The following RSU1 variants were observed in gnomAD, a reference collection of about 807,000 sequenced individuals.
The protein encoded by RSU1 is Ras suppressor protein 1, also known as rsu-1.
A neutral mutation model predicts 31.1 loss-of-function variants in RSU1; 26 were observed. The ratio of observed to expected loss-of-function variants is 0.84; its 90% CI spans 0.61 to 1.16. The LOEUF (loss-of-function observed/expected upper bound fraction) is 1.16, where lower values mean the gene tolerates loss of function less well. Ranked by LOEUF, RSU1 falls within the 50% of genes most tolerant of loss-of-function variation. RSU1 has a pLI of 0.00. For synonymous variants in RSU1, 164 were observed against 136.3 expected (o/e 1.20, Z -1.41); for missense variants, 320 against 339.1 (o/e 0.94, Z 0.44).
intron 3 of RSU1, among the ~76,000 whole-genome samples, chr10:16,780,028 A>C (rs999480252): frequency 6.6e-6 from 1 of 152,208 alleles, no homozygotes; most frequent in Non-Finnish European, 1.5e-5. Context: ...GCAGAAATAT[A>C]AAGTTTGGAT....
At chr10:16,605,579 G>GAGT in intron 8 of RSU1, among the ~76,000 whole-genome samples, 1 of 152,216 alleles carries the variant, frequency 6.6e-6, no homozygotes. Context: ...CAAAAATATG[G>GAGT]AGTGACTGAA....
intron 8 of RSU1, among the ~76,000 whole-genome samples, chr10:16,626,470 C>T (rs1046579069): frequency 2.9e-4 from 44 of 152,238 alleles, no homozygotes; most frequent in Middle Eastern, 3.4e-3. Flanking sequence ...CTGATCAATC[C>T]TTTTCCTTTT....
In RSU1 at chr10:16,776,138, A is replaced by C. The variant is rs374125844; in HGVS notation, c.160+5896T>G. On this transcript the variant is annotated intron_variant, in intron 3 of 8. Coordinates refer to ENST00000345264, the MANE Select transcript of RSU1 (RefSeq NM_012425.4). ...GAAGGTCGTCCTCAGGAATTCAGAC[A>C]GTTAATTCTTCTCAATCATCCCAGC... Among the ~76,000 whole-genome samples the C allele has an allele frequency of 3.9e-5, 6 of 152,372 alleles. No homozygotes were observed. The East Asian group carries it at 9.6e-4, about 24-fold the overall frequency.
At chr10:16,748,715 A>C (rs1192689049) in intron 7 of RSU1, among the ~76,000 whole-genome samples, 1 of 151,914 alleles carries the variant, frequency 6.6e-6, no homozygotes, top group African/African-American at 2.4e-5. Flanking sequence ...CTCTTCCTCA[A>C]CACAAGCCCA....
intron 8 of RSU1, among the ~76,000 whole-genome samples, chr10:16,634,023 C>A (rs562474793): frequency 3.3e-5 from 5 of 152,226 alleles, no homozygotes; most frequent in African/African-American, 1.2e-4. Flanking sequence ...TTCAATCTGT[C>A]TTTTCCAGCA....
In RSU1 at chr10:16,717,634, C is replaced by T. The variant is rs191605255; in HGVS notation, c.599-22479G>A. Reference sequence around the variant, plus strand: ...TCTGAGAAAAGCAAAAACAACATACCAAAGCTAATATAAATAAAGGATGCC... The same window carrying T: ...TCTGAGAAAAGCAAAAACAACATACTAAAGCTAATATAAATAAAGGATGCC... On this transcript the variant is annotated intron_variant, in intron 7 of 8. Coordinates refer to ENST00000345264, the MANE Select transcript of RSU1 (RefSeq NM_012425.4). Among the ~76,000 whole-genome samples the T allele has an allele frequency of 2.6e-5, 4 of 152,110 alleles. No homozygotes were observed. In the East Asian group the frequency reaches 7.7e-4, roughly 29 times the overall value.
At chr10:16,676,538 G>A (rs1018388116) in intron 8 of RSU1, among the ~76,000 whole-genome samples, 5 of 152,190 alleles carry the variant, frequency 3.3e-5, no homozygotes, top group African/African-American at 1.2e-4. Context: ...TGGGGACACA[G>A]CCAAACCATA....
At chr10:16,728,516 C>A (rs1208911935) in intron 7 of RSU1, among the ~76,000 whole-genome samples, 1 of 152,164 alleles carries the variant, frequency 6.6e-6, no homozygotes, top group Non-Finnish European at 1.5e-5. Flanking sequence ...GGGAAAGAAA[C>A]CACTTTCACA....
chr10:16,768,048 A>T (rs994606780), intron 3 of RSU1, among the ~76,000 whole-genome samples: 3 of 152,240 alleles, frequency 2.0e-5, no homozygotes, highest in African/African-American at 7.2e-5. Flanking sequence ...GAAGCATTTT[A>T]AAAGCTAACA....
Position 16,617,049 on chromosome 10 carries a change from CTG to C in RSU1, c.732-23555_732-23554del, listed in dbSNP as rs1360654955. On this transcript the variant is annotated intron_variant, in intron 8 of 8. Transcript: ENST00000345264. ...AGGAAGAGAGGAAGTCAAATTGTCT[CTG>C]TTTGCAGATGACGTGATTGCATATT... Among the ~76,000 whole-genome samples the C allele has an allele frequency of 3.9e-5, 6 of 152,324 alleles. No individual in the cohort carries two copies. In the East Asian group the frequency reaches 1.2e-3, roughly 29 times the overall value.
intron 8 of RSU1, among the ~76,000 whole-genome samples, chr10:16,688,912 G>C (rs954445320): frequency 4.6e-5 from 7 of 152,034 alleles, no homozygotes; most frequent in African/African-American, 1.7e-4. Context: ...GGAAGCTGAG[G>C]CAGGGGGATT....
In RSU1 at chr10:16,647,223, C is replaced by T. The variant is rs148585695; in HGVS notation, c.731+47800G>A. 9.4e-3 allele frequency among the ~76,000 whole-genome samples: 1,430 copies of T among 152,292 alleles called. 18 individuals are homozygous for T. Among genetic ancestry groups the T allele is most frequent in the African/African-American group, 0.032 (1,343 of 41,570 alleles). On this transcript the variant is annotated intron_variant, in intron 8 of 8. Transcript: ENST00000345264. ...TCCTGACCTCGTGATCTACACGCCT[C>T]GGCCTCCCAAAGTGTTGGGATTACT...
At chr10:16,596,301 TTCC>T (rs1247391587) in intron 8 of RSU1, among the ~76,000 whole-genome samples, 1 of 152,190 alleles carries the variant, frequency 6.6e-6, no homozygotes, top group Admixed American at 6.5e-5. Flanking sequence ...TCAACCCGTG[TTCC>T]TCCTCCTCGG....
chr10:16,806,574 G>A (rs1838271792), intron 2 of RSU1, among the ~76,000 whole-genome samples: 1 of 152,222 alleles, frequency 6.6e-6, no homozygotes, highest in South Asian at 2.1e-4. Flanking sequence ...CTGGTATGTG[G>A]TAAATGTGTG....
At position 16,672,038 on chromosome 10, in the gene RSU1, C is replaced by T. The variant is rs185196684; in HGVS notation, c.731+22985G>A. 1.9e-3 allele frequency among the ~76,000 whole-genome samples: 290 copies of T among 151,364 alleles called. 2 individuals carry two copies. Among genetic ancestry groups the T allele is most frequent in the African/African-American group, 6.7e-3 (275 of 41,324 alleles). ...ATCTGGCCAGACGCGGTGGCTCATG[C>T]CTGTAATCCCAGCACTTTAGGAGGC... On this transcript the variant is annotated intron_variant, in intron 8 of 8. Coordinates refer to ENST00000345264, the MANE Select transcript of RSU1 (RefSeq NM_012425.4).
chr10:16,758,964 G>A (rs1480834960), intron 4 of RSU1, among the ~76,000 whole-genome samples: 1 of 152,098 alleles, frequency 6.6e-6, no homozygotes, highest in Non-Finnish European at 1.5e-5. Flanking sequence ...GTTGGAAGTG[G>A]GCAAATGCCT....
intron 1 of RSU1, 107 bp from the exon 2 acceptor site, chr10:16,817,191 T>G (rs1588556175): frequency 4.1e-6 from 3 of 723,082 alleles, no homozygotes; most frequent in East Asian, 6.8e-5. Flanking sequence ...TTGGAGCGGG[T>G]GGGCGTCCGA....
At chr10:16,670,768 G>T (rs1337499446) in intron 8 of RSU1, among the ~76,000 whole-genome samples, 1 of 151,958 alleles carries the variant, frequency 6.6e-6, no homozygotes, top group Non-Finnish European at 1.5e-5. Flanking sequence ...TAGCGCCACA[G>T]AACCTCTTTT....
intron 2 of RSU1, among the ~76,000 whole-genome samples, chr10:16,792,358 G>C (rs866189285): frequency 6.6e-6 from 1 of 152,006 alleles, no homozygotes; most frequent in African/African-American, 2.4e-5. Context: ...TCGGCCTCCC[G>C]AGTAGCTGAG....
Sources: gnomAD v4.1 joint callset for allele counts (sites outside exome capture counted in the v4.1 genomes callset) on GRCh38, gnomAD v4.1.1 for gene constraint, MANE v1.5 for transcripts, NCBI Gene and HGNC (gene_info 2026-07-23, HGNC 2026-07-21) for gene names.